The following HSDL2 variants were observed in gnomAD, a reference collection of about 807,000 sequenced individuals.
HSDL2 encodes hydroxysteroid dehydrogenase like 2, also known as hydroxysteroid dehydrogenase-like protein 2.
HSDL2 carries 27 observed loss-of-function variants against 46.3 expected under a neutral mutation model. The observed-to-expected ratio is 0.58, with a 90% CI of 0.43 to 0.80. The LOEUF (loss-of-function observed/expected upper bound fraction) is 0.80, where lower values mean the gene tolerates loss of function less well. Ranked by LOEUF, HSDL2 falls within the 30% of genes least tolerant of loss-of-function variation. HSDL2 has a pLI of 0.00. For synonymous variants in HSDL2, 153 were observed against 163.6 expected, an observed-to-expected ratio of 0.94 and a Z score of 0.50; for missense variants, 451 against 502.7, an observed-to-expected ratio of 0.90 and a Z score of 0.98.
rs140978777 is a variant in HSDL2 at position 112,431,283 on chromosome 9, T to A, written c.599-7148T>A. Among the ~76,000 whole-genome samples the A allele has an allele frequency of 7.4e-3, 1,119 of 152,084 alleles. 6 individuals carry two copies. The highest frequency in any genetic ancestry group is 0.012 in the Non-Finnish European group (810 of 67,986). The stretch of plus-strand genomic sequence containing the variant: ...GCGGTCCAGGTTGGAGATAAAAAAA[T>A]CTGTGGGTTATCAGCATATAGAACA... On this transcript the variant is annotated intron_variant, in intron 6 of 10. Transcript: ENST00000398805.
At chr9:112,433,065 G>A (rs758555831) in intron 6 of HSDL2, among the ~76,000 whole-genome samples, 6 of 152,128 alleles carry the variant, frequency 3.9e-5, no homozygotes, top group Non-Finnish European at 7.4e-5. Flanking sequence ...GTGATCCACC[G>A]TGCCTGGCCT....
intron 6 of HSDL2, among the ~76,000 whole-genome samples, chr9:112,424,844 G>A (rs1337063411): frequency 6.6e-6 from 1 of 151,098 alleles, no homozygotes; most frequent in East Asian, 1.9e-4. Flanking sequence ...ATTTGTTAAA[G>A]TATATATTAA....
Position 112,434,283 on chromosome 9 carries a change from G to C in HSDL2, c.599-4148G>C, listed in dbSNP as rs950810063. ...TCTGGGAATGGCAGCTACTGATTTG[G>C]TAATGGCTACAGAGAGGAAGGCAGT... On this transcript the variant is annotated intron_variant, in intron 6 of 10. Transcript: ENST00000398805. 3.9e-5 allele frequency among the ~76,000 whole-genome samples: 6 copies of C among 152,208 alleles called. 1 individual carries two copies. In the East Asian group the frequency reaches 9.6e-4, roughly 24 times the overall value.
intron 10 of HSDL2, among the ~76,000 whole-genome samples, chr9:112,463,696 G>C (rs1213833814): frequency 8.8e-5 from 1 of 11,410 alleles, no homozygotes; most frequent in Non-Finnish European, 1.5e-4. Context: ...ACACAGTCTT[G>C]CTCTCCTAGG....
intron 10 of HSDL2, among the ~76,000 whole-genome samples, chr9:112,460,387 G>A (rs1833167698): frequency 6.6e-6 from 1 of 152,192 alleles, no homozygotes; most frequent in African/African-American, 2.4e-5. Context: ...TGTATACGGT[G>A]TACTAATGAT....
At chr9:112,467,469 C>T (rs1833426426) in intron 10 of HSDL2, among the ~76,000 whole-genome samples, 1 of 152,130 alleles carries the variant, frequency 6.6e-6, no homozygotes, top group African/African-American at 2.4e-5. Flanking sequence ...ATGGTTGAAA[C>T]TAGATAGATA....
At chr9:112,387,989 T>A (rs935332512) in intron 1 of HSDL2, among the ~76,000 whole-genome samples, 1 of 151,824 alleles carries the variant, frequency 6.6e-6, no homozygotes, top group African/African-American at 2.4e-5. Flanking sequence ...TGAGACCCTG[T>A]CTCCACAAAA....
intron 1 of HSDL2, among the ~76,000 whole-genome samples, chr9:112,382,977 A>T (rs1300282981): frequency 7.0e-6 from 1 of 143,710 alleles, no homozygotes; most frequent in Non-Finnish European, 1.5e-5. Flanking sequence ...CTTGCTCTGT[A>T]AGCCTTTGAG....
At chr9:112,388,485 C>T (rs1325728172) in intron 1 of HSDL2, among the ~76,000 whole-genome samples, 1 of 147,110 alleles carries the variant, frequency 6.8e-6, no homozygotes, top group African/African-American at 2.5e-5. Flanking sequence ...AAAAAATACG[C>T]CAGGTGTGGT....
rs75112406 is a variant in HSDL2, at chr9:112,412,006, A to C, written c.395+2985A>C. On this transcript the variant is annotated intron_variant, in intron 4 of 10. Coordinates refer to ENST00000398805, the MANE Select transcript of HSDL2 (RefSeq NM_032303.5). ...CTGGCAGTTTCTATTATAGATGATG[A>C]AGCCACAGATATACATATACAGGTT... 4.0e-3 allele frequency among the ~76,000 whole-genome samples: 608 copies of C among 152,346 alleles called. 2 individuals are homozygous for C. The highest frequency in any genetic ancestry group is 0.014 in the African/African-American group (574 of 41,580).
At chr9:112,395,896 C>A (rs1360046047) in intron 1 of HSDL2, among the ~76,000 whole-genome samples, 1 of 152,164 alleles carries the variant, frequency 6.6e-6, no homozygotes, top group African/African-American at 2.4e-5. Flanking sequence ...AGAGAGCAGC[C>A]ACTGCTCAAT....
At position 112,471,115 on chromosome 9, in the gene HSDL2, T is replaced by A. The variant is rs1402714184; in HGVS notation, c.*571T>A. 6.6e-6 allele frequency: 1 copy of A among 152,234 alleles called. No homozygotes were observed. Among genetic ancestry groups the A allele is most frequent in the African/African-American group, 2.4e-5 (1 of 41,458 alleles). The allele number at this position is 152,234 out of a possible 1,614,324, so 9.4% of individuals were successfully genotyped here. ...GGTGGACTTAGCCATAGGAAAATAT[T>A]ACTAATGTAATTTAACAAATTGCTG... On this transcript the variant is annotated 3_prime_UTR_variant, in exon 11 of 11. Transcript: ENST00000398805.
chr9:112,418,659 T>A (rs1215924646), intron 5 of HSDL2, among the ~76,000 whole-genome samples: 1 of 151,922 alleles, frequency 6.6e-6, no homozygotes, highest in African/African-American at 2.4e-5. Context: ...TATGTGTGCG[T>A]GGGTGTGTTG....
intron 1 of HSDL2, among the ~76,000 whole-genome samples, chr9:112,383,789 T>C (rs757772991): frequency 2.0e-5 from 3 of 152,184 alleles, no homozygotes; most frequent in Admixed American, 6.5e-5. Flanking sequence ...GCAGCCTTGA[T>C]CTCCTGGGGT....
At chr9:112,414,823 G>T (rs745884608) in intron 4 of HSDL2, among the ~76,000 whole-genome samples, 5 of 152,070 alleles carry the variant, frequency 3.3e-5, no homozygotes, top group African/African-American at 4.8e-5. Context: ...AACCCCTCTA[G>T]TGGTATTGAT....
chr9:112,446,617 G>A (rs1673755081), intron 8 of HSDL2, among the ~76,000 whole-genome samples: 1 of 152,038 alleles, frequency 6.6e-6, no homozygotes, highest in Non-Finnish European at 1.5e-5. Flanking sequence ...GGTGACAGAG[G>A]GAGACCCTAT....
Position 112,405,665 on chromosome 9 carries a change from G to A in HSDL2, c.223G>A (p.Val75Met). ...GGKALPCIVD[V>M]RDEQQISAAV... ...AAAGGCCTTGCCATGTATTGTTGATGTGAGAGATGAACAGCAGATCAGTGC... is the reference window on the plus strand; with the variant it reads ...AAAGGCCTTGCCATGTATTGTTGATATGAGAGATGAACAGCAGATCAGTGC... Residue 75 changes from valine (V) to methionine (M), a missense_variant, in exon 3 of 11, where the codon GTG becomes ATG. Val to Met is a conservative substitution (Grantham distance 21, BLOSUM62 1). Transcript: ENST00000398805. 1 of 1,613,678 alleles carries A rather than the reference G, an allele frequency of 6.2e-7. No individual in the cohort carries two copies. The highest frequency in any genetic ancestry group is 8.5e-7 in the Non-Finnish European group (1 of 1,179,712).
chr9:112,392,679 T>A (rs1386151752), intron 1 of HSDL2, among the ~76,000 whole-genome samples: 1 of 152,210 alleles, frequency 6.6e-6, no homozygotes, highest in Non-Finnish European at 1.5e-5. Flanking sequence ...ACCTTATGGT[T>A]GTCTTCCCTT....
intron 1 of HSDL2, among the ~76,000 whole-genome samples, chr9:112,386,228 T>A (rs1442588012): frequency 6.6e-6 from 1 of 152,232 alleles, no homozygotes; most frequent in Non-Finnish European, 1.5e-5. Flanking sequence ...CTGTACTTAT[T>A]TACCAATATC....
Sources: allele counts gnomAD v4.1 joint callset (sites outside exome capture counted in the v4.1 genomes callset), GRCh38; gene constraint gnomAD v4.1.1; transcripts MANE v1.5; gene names NCBI Gene and HGNC (gene_info 2026-07-23, HGNC 2026-07-21).